The following KCNQ3 variants were observed in gnomAD, a reference collection of about 807,000 sequenced individuals.
KCNQ3 encodes potassium voltage-gated channel subfamily Q member 3.
Under a neutral mutation model 92.5 loss-of-function variants are expected in KCNQ3, and 30 were observed. The ratio of observed to expected loss-of-function variants is 0.32; its 90% confidence interval spans 0.24 to 0.44. The LOEUF (loss-of-function observed/expected upper bound fraction) is 0.44. Ranked by LOEUF, KCNQ3 falls within the 20% of genes least tolerant of loss-of-function variation. The pLI is 1.00. For synonymous variants in KCNQ3, 450 were observed against 468.8 expected (o/e 0.96, Z 0.52); for missense variants, 913 against 1,140.3 (o/e 0.80, Z 2.87).
intron 1 of KCNQ3, among the ~76,000 whole-genome samples, chr8:132,381,301 T>C (rs922476285): frequency 3.3e-5 from 5 of 152,182 alleles, no homozygotes; most frequent in South Asian, 2.1e-4. Flanking sequence ...CTAGCCCGAA[T>C]TGGCATTCAT....
In KCNQ3 at chr8:132,122,999, G is replaced by A. The variant is rs901490770; in HGVS notation, c.*6263C>T. On this transcript the variant is annotated 3_prime_UTR_variant, in exon 15 of 15. Coordinates refer to ENST00000388996, the MANE Select transcript of KCNQ3 (RefSeq NM_004519.4). ...ACAACATGGGGATTCTCTGGGACAA[G>A]GCAAGAGGACCCAAGCTGTGTTCAA... 1 of 152,158 alleles carries A rather than the reference G, an allele frequency of 6.6e-6. No individual in the cohort carries two copies. The highest frequency in any genetic ancestry group is 6.5e-5 in the Admixed American group (1 of 15,272). The allele number at this position is 152,158 out of a possible 1,614,324, so 9.4% of individuals were successfully genotyped here.
chr8:132,337,676 C>A (rs1438883396), intron 1 of KCNQ3, among the ~76,000 whole-genome samples: 2 of 152,150 alleles, frequency 1.3e-5, no homozygotes, highest in Admixed American at 1.3e-4. Flanking sequence ...CCCCCCAGAC[C>A]TGCCGACCTT....
chr8:132,341,034 A>T (rs1017276602), intron 1 of KCNQ3, among the ~76,000 whole-genome samples: 2 of 152,240 alleles, frequency 1.3e-5, no homozygotes, highest in African/African-American at 2.4e-5. Flanking sequence ...TCAAGTGCTC[A>T]ATAGTCACAT....
intron 1 of KCNQ3, among the ~76,000 whole-genome samples, chr8:132,196,440 C>A (rs1271816891): frequency 6.6e-6 from 1 of 152,288 alleles, no homozygotes; most frequent in African/African-American, 2.4e-5. Context: ...CCATTCTATA[C>A]CCTGGGCATT....
At chr8:132,397,758 C>T (rs964354340) in intron 1 of KCNQ3, among the ~76,000 whole-genome samples, 1 of 151,998 alleles carries the variant, frequency 6.6e-6, no homozygotes, top group Non-Finnish European at 1.5e-5. Context: ...AAAAAAGTTC[C>T]CAGAGAAGCT....
chr8:132,437,423 T>C (rs1261298644), intron 1 of KCNQ3, among the ~76,000 whole-genome samples: 3 of 152,208 alleles, frequency 2.0e-5, no homozygotes, highest in African/African-American at 7.2e-5. Flanking sequence ...GGGACAGTGG[T>C]TCCTCTCCTG....
chr8:132,386,409 T>C (rs1335469575), intron 1 of KCNQ3, among the ~76,000 whole-genome samples: 2 of 152,120 alleles, frequency 1.3e-5, no homozygotes, highest in East Asian at 3.8e-4. Flanking sequence ...GCATATATAA[T>C]CACAGATATA....
At chr8:132,435,189 C>T (rs752064747) in intron 1 of KCNQ3, among the ~76,000 whole-genome samples, 1 of 152,230 alleles carries the variant, frequency 6.6e-6, no homozygotes, top group South Asian at 2.1e-4. Context: ...GGACCCAATG[C>T]TCCCACTGAT....
At chr8:132,273,006 A>C (rs1185281658) in intron 1 of KCNQ3, among the ~76,000 whole-genome samples, 4 of 152,076 alleles carry the variant, frequency 2.6e-5, no homozygotes, top group Non-Finnish European at 4.4e-5. Flanking sequence ...GTAAAATCAA[A>C]AGCAATTTCC....
chr8:132,283,651 C>T (rs957634488), intron 1 of KCNQ3, among the ~76,000 whole-genome samples: 1 of 152,166 alleles, frequency 6.6e-6, no homozygotes, highest in Non-Finnish European at 1.5e-5. Flanking sequence ...GTACCCTATG[C>T]CAGGTTAGAC....
At chr8:132,463,192 C>T (rs940251199) in intron 1 of KCNQ3, among the ~76,000 whole-genome samples, 1 of 152,136 alleles carries the variant, frequency 6.6e-6, no homozygotes, top group Admixed American at 6.6e-5. Context: ...ACTTCATTTA[C>T]AATATTTATT....
At chr8:132,283,048 G>A (rs921324172) in intron 1 of KCNQ3, among the ~76,000 whole-genome samples, 2 of 152,010 alleles carry the variant, frequency 1.3e-5, no homozygotes, top group Non-Finnish European at 2.9e-5. Context: ...AACATACAGA[G>A]GGAATGAGGC....
chr8:132,292,808 C>T (rs1816895682), intron 1 of KCNQ3, among the ~76,000 whole-genome samples: 1 of 152,164 alleles, frequency 6.6e-6, no homozygotes, highest in Non-Finnish European at 1.5e-5. Flanking sequence ...GTCCTTCTTT[C>T]ACCTGCCCAG....
At chr8:132,448,502 G>GAAAAAAAAAAAAAAAAAAAAAA in intron 1 of KCNQ3, among the ~76,000 whole-genome samples, 46 of 93,838 alleles carry the variant, frequency 4.9e-4, no homozygotes, top group Admixed American at 7.2e-4. Flanking sequence ...GGAGAAATAT[G>GAAAAAAAAAAAAAAAAAAAAAA]AAAAAAAAAA....
chr8:132,141,832 A>G (rs1460351745), intron 9 of KCNQ3, among the ~76,000 whole-genome samples: 1 of 152,176 alleles, frequency 6.6e-6, no homozygotes, highest in African/African-American at 2.4e-5. Context: ...TCATGGATAG[A>G]ATTTGGCAGT....
chr8:132,144,530 T>G lies in KCNQ3; in HGVS notation c.1263-3199A>C, dbSNP rs573176861. Among the ~76,000 whole-genome samples the G allele has an allele frequency of 2.1e-4, 32 of 152,326 alleles. No individual in the cohort carries two copies. The South Asian group carries it at 5.8e-3, about 28-fold the overall frequency. On this transcript the variant is annotated intron_variant, in intron 9 of 14. Transcript: ENST00000388996. ...GATTTTCTTCGAAAGCTAGGGCTCT[T>G]GACATGTTAAGTGCAGGCAAACAAC... is the stretch of plus-strand genomic sequence containing the variant.
chr8:132,254,175 G>A lies in KCNQ3; in HGVS notation c.387-67994C>T, dbSNP rs1815503233. ...TTTAAAACTGACTCATGTGCCCATG[G>A]AAGTGTGAGCACTGTTGCTTTAGGA... On this transcript the variant is annotated intron_variant, in intron 1 of 14. Transcript: ENST00000388996. Among the ~76,000 whole-genome samples, 3 of 152,210 alleles carry A rather than the reference G, an allele frequency of 2.0e-5. 1 individual carries two copies. In the South Asian group the frequency reaches 6.2e-4, roughly 32 times the overall value.
intron 1 of KCNQ3, among the ~76,000 whole-genome samples, chr8:132,282,377 G>A (rs181338209): frequency 3.3e-4 from 50 of 152,258 alleles, no homozygotes; most frequent in African/African-American, 1.2e-3. Flanking sequence ...CTCGGCTAAA[G>A]AATCACAGGG....
chr8:132,153,730 G>A (rs550103231), intron 9 of KCNQ3, among the ~76,000 whole-genome samples: 8,760 of 100,244 alleles, frequency 0.087, 375 homozygotes, highest in South Asian at 0.13. Flanking sequence ...CTCCTACCCC[G>A]CAAGCCCCCC....
Sources: gnomAD v4.1 joint callset for allele counts (sites outside exome capture counted in the v4.1 genomes callset) on GRCh38, gnomAD v4.1.1 for gene constraint, MANE v1.5 for transcripts, NCBI Gene and HGNC (gene_info 2026-07-23, HGNC 2026-07-21) for gene names.